Variants in CCSER1 observed in about 807,000 individuals in gnomAD.
CCSER1 encodes the protein coiled-coil serine rich protein 1.
A neutral mutation model predicts 82.0 loss-of-function variants in CCSER1; 41 were observed. The ratio of observed to expected loss-of-function variants is 0.50; its 90% CI spans 0.39 to 0.65. The LOEUF is 0.65. CCSER1 is among the 30% of genes least tolerant of loss of function. The probability of loss-of-function intolerance (pLI) is 0.00; values close to 1 mark genes in which losing one functional copy is unlikely to be tolerated. For synonymous variants in CCSER1, 414 were observed against 383.9 expected (o/e 1.08, Z -0.92); for missense variants, 1,119 against 1,064.2 (o/e 1.05, Z -0.72).
chr4:91,169,652 A>G (rs569233866), intron 10 of CCSER1, among the ~76,000 whole-genome samples: 2 of 152,162 alleles, frequency 1.3e-5, no homozygotes, highest in African/African-American at 2.4e-5. Flanking sequence ...GTATTTAAAT[A>G]CAAGTATTCA....
intron 8 of CCSER1, among the ~76,000 whole-genome samples, chr4:90,841,371 G>A (rs1232376812): frequency 6.6e-6 from 1 of 151,976 alleles, no homozygotes; most frequent in Non-Finnish European, 1.5e-5. Flanking sequence ...GAGGTGAGGA[G>A]ATCGAGACCC....
intron 3 of CCSER1, among the ~76,000 whole-genome samples, chr4:90,352,214 C>T (rs574825757): frequency 6.6e-6 from 1 of 152,072 alleles, no homozygotes; most frequent in South Asian, 2.1e-4. Context: ...GTCCCAGCTA[C>T]TCGGGAGGCT....
intron 9 of CCSER1, among the ~76,000 whole-genome samples, chr4:90,951,942 G>A (rs1454336): frequency 0.76 from 114,614 of 151,034 alleles, 43,977 homozygotes; most frequent in Non-Finnish European, 0.82. Context: ...AATTTTACAC[G>A]CACACACATA....
At chr4:91,177,934 T>C (rs1433896076) in intron 10 of CCSER1, among the ~76,000 whole-genome samples, 1 of 152,230 alleles carries the variant, frequency 6.6e-6, no homozygotes, top group Admixed American at 6.5e-5. Flanking sequence ...TCCTGCCTTC[T>C]GTTGTGGGCA....
chr4:91,352,491 G>A (rs748513660), intron 10 of CCSER1, among the ~76,000 whole-genome samples: 6 of 152,074 alleles, frequency 3.9e-5, no homozygotes, highest in Admixed American at 1.3e-4. Context: ...TGATCTGCCC[G>A]CCTCAGCATC....
chr4:91,202,623 C>T (rs1443699983), intron 10 of CCSER1, among the ~76,000 whole-genome samples: 1 of 150,944 alleles, frequency 6.6e-6, no homozygotes, highest in Non-Finnish European at 1.5e-5. Flanking sequence ...GCATTATTAC[C>T]AGAAAGGGCA....
intron 9 of CCSER1, among the ~76,000 whole-genome samples, chr4:91,061,930 GGGGT>G (rs995475477): frequency 8.6e-5 from 13 of 151,910 alleles, no homozygotes; most frequent in African/African-American, 3.1e-4. Flanking sequence ...GTATTTAGGT[GGGGT>G]GGTAACTCCA....
intron 6 of CCSER1, among the ~76,000 whole-genome samples, chr4:90,684,988 G>A (rs574431250): frequency 9.2e-5 from 14 of 152,128 alleles, no homozygotes; most frequent in African/African-American, 3.1e-4. Context: ...ACCCAGTCTC[G>A]GGTATGTCTT....
chr4:90,624,468 A>T (rs964752777), intron 5 of CCSER1, among the ~76,000 whole-genome samples: 2 of 152,184 alleles, frequency 1.3e-5, no homozygotes, highest in African/African-American at 4.8e-5. Flanking sequence ...GTTTCCCTGT[A>T]GTTTGTGTCA....
At chr4:90,302,012 T>G (rs1733235123) in intron 1 of CCSER1, among the ~76,000 whole-genome samples, 1 of 152,196 alleles carries the variant, frequency 6.6e-6, no homozygotes, top group South Asian at 2.1e-4. Context: ...TTTGGAAGAC[T>G]TTTAATAAAT....
intron 6 of CCSER1, among the ~76,000 whole-genome samples, chr4:90,661,544 C>T (rs1399413): frequency 0.51 from 78,040 of 151,928 alleles, 20,280 homozygotes; most frequent in Middle Eastern, 0.66. Context: ...AAGGCTGAAG[C>T]GCAATATGCA....
At chr4:91,178,820 T>A (rs1733688935) in intron 10 of CCSER1, among the ~76,000 whole-genome samples, 1 of 152,160 alleles carries the variant, frequency 6.6e-6, no homozygotes, top group Non-Finnish European at 1.5e-5. Flanking sequence ...AATATTGTTA[T>A]GTGTGAATTT....
intron 10 of CCSER1, among the ~76,000 whole-genome samples, chr4:91,350,778 T>A (rs191912633): frequency 7.6e-4 from 115 of 152,128 alleles, no homozygotes; most frequent in Non-Finnish European, 8.5e-4. Context: ...GACTTAATAT[T>A]ACTGTCATTT....
chr4:90,449,129 A>G (rs915606229), intron 4 of CCSER1, among the ~76,000 whole-genome samples: 1 of 152,178 alleles, frequency 6.6e-6, no homozygotes, highest in East Asian at 1.9e-4. Context: ...CTCAGCTCTC[A>G]GCTGGAAGGA....
intron 1 of CCSER1, among the ~76,000 whole-genome samples, chr4:90,252,065 TTTTTAAA>T (rs1722498031): frequency 6.6e-6 from 1 of 151,924 alleles, no homozygotes; most frequent in Non-Finnish European, 1.5e-5. Flanking sequence ...GAGATGCTTC[TTTTTAAA>T]TACAGGTTGA....
At chr4:91,120,057 T>C (rs1341110736) in intron 10 of CCSER1, among the ~76,000 whole-genome samples, 2 of 152,040 alleles carry the variant, frequency 1.3e-5, no homozygotes, top group African/African-American at 4.8e-5. Context: ...GATTTTAATA[T>C]AGAGCTATTA....
intron 10 of CCSER1, among the ~76,000 whole-genome samples, chr4:91,395,274 C>T (rs1354264733): frequency 6.6e-6 from 1 of 152,126 alleles, no homozygotes; most frequent in Non-Finnish European, 1.5e-5. Context: ...CAATGGCAAA[C>T]ATGCTGGAGG....
chr4:91,476,219 G>A (rs1449153801), intron 10 of CCSER1, among the ~76,000 whole-genome samples: 1 of 151,772 alleles, frequency 6.6e-6, no homozygotes, highest in East Asian at 1.9e-4. Flanking sequence ...CTGCCATATT[G>A]TTTTCCATAG....
chr4:90,353,821 A>T (rs1488687524), intron 3 of CCSER1, among the ~76,000 whole-genome samples: 1 of 152,166 alleles, frequency 6.6e-6, no homozygotes, highest in Non-Finnish European at 1.5e-5. Flanking sequence ...GGCCGGAGGA[A>T]CCCCACCAGA....
Sources: allele counts gnomAD v4.1 joint callset (sites outside exome capture counted in the v4.1 genomes callset), GRCh38; gene constraint gnomAD v4.1.1; transcripts MANE v1.5; gene names NCBI Gene and HGNC (gene_info 2026-07-23, HGNC 2026-07-21).